RTN4R: variants seen among roughly 807,000 people sequenced by gnomAD.
The protein encoded by RTN4R is reticulon 4 receptor.
Under a neutral mutation model 27.7 loss-of-function variants are expected in RTN4R, and 4 were observed. The observed-to-expected ratio is 0.14, with a 90% CI of 0.07 to 0.33. The LOEUF (loss-of-function observed/expected upper bound fraction) is 0.33. Among genes scored for constraint, RTN4R ranks in the 10% least tolerant of loss-of-function variants. The pLI is 1.00. For synonymous variants in RTN4R, 290 were observed against 305.6 expected (o/e 0.95, Z 0.53); for missense variants, 554 against 671.5 (o/e 0.83, Z 1.93).
intron 1 of RTN4R, among the ~76,000 whole-genome samples, chr22:20,253,399 T>C (rs1485599820): frequency 2.0e-5 from 3 of 152,170 alleles, no homozygotes; most frequent in Non-Finnish European, 2.9e-5. Flanking sequence ...GGGATCTGCA[T>C]GAAAGACACG....
intron 1 of RTN4R, among the ~76,000 whole-genome samples, chr22:20,248,019 G>T (rs771680344): frequency 6.6e-6 from 1 of 152,222 alleles, no homozygotes; most frequent in Non-Finnish European, 1.5e-5. Context: ...ATGTAGGTAG[G>T]TCCAGGGCCA....
chr22:20,258,682 C>A (rs1291180216), intron 1 of RTN4R, among the ~76,000 whole-genome samples: 1 of 152,188 alleles, frequency 6.6e-6, no homozygotes, highest in South Asian at 2.1e-4. Flanking sequence ...TCCCCTGGCT[C>A]CCAGGGCAGG....
chr22:20,268,305 C>G lies in RTN4R; in HGVS notation c.-213G>C, dbSNP rs1023339771. 6 of 808 alleles carry G rather than the reference C, an allele frequency of 7.4e-3. No homozygotes were observed. Among genetic ancestry groups the G allele is most frequent in the Non-Finnish European group, 7.4e-3 (3 of 404 alleles). The allele number at this position is 808 out of a possible 1,614,324, so 0.1% of individuals were successfully genotyped here. A position where few individuals can be genotyped will look rare whatever the true frequency, so the allele number is the denominator to read the frequency against. ...CGCAGGGCGCACAGGGCGAGGGCGG[C>G]GGCGGCGCGGGGGTTGGGGCGTGGG... On this transcript the variant is annotated 5_prime_UTR_variant, in exon 1 of 2. Coordinates refer to ENST00000043402, the MANE Select transcript of RTN4R (RefSeq NM_023004.6).
At chr22:20,260,397 A>G (rs1228026385) in intron 1 of RTN4R, among the ~76,000 whole-genome samples, 1 of 151,964 alleles carries the variant, frequency 6.6e-6, no homozygotes. Flanking sequence ...TCAAGTGGAG[A>G]GTGTGTGGGA....
At chr22:20,246,099 G>A (rs973449052) in intron 1 of RTN4R, among the ~76,000 whole-genome samples, 1 of 152,232 alleles carries the variant, frequency 6.6e-6, no homozygotes, top group South Asian at 2.1e-4. Context: ...CCCGGAGGAT[G>A]GCCCTGCTGG....
intron 1 of RTN4R, among the ~76,000 whole-genome samples, chr22:20,247,969 G>A (rs1439577838): frequency 1.3e-5 from 2 of 152,160 alleles, no homozygotes; most frequent in Non-Finnish European, 2.9e-5. Flanking sequence ...GGCAGGGCTC[G>A]TCCCTGCCCC....
intron 1 of RTN4R, among the ~76,000 whole-genome samples, chr22:20,264,724 C>T (rs1569043188): frequency 6.6e-6 from 1 of 152,202 alleles, no homozygotes; most frequent in Non-Finnish European, 1.5e-5. Flanking sequence ...CCCGAGAGGG[C>T]ATCTGCACAG....
At chr22:20,247,957 CCGGCAGGGCTCGT>C (rs1205559807) in intron 1 of RTN4R, among the ~76,000 whole-genome samples, 3 of 152,204 alleles carry the variant, frequency 2.0e-5, no homozygotes, top group Non-Finnish European at 2.9e-5. Context: ...TTTGCCCTGG[CCGGCAGGGCTCGT>C]CCCTGCCCCG....
chr22:20,242,440 G>C lies in RTN4R; in HGVS notation c.693C>G (p.Leu231=), dbSNP rs554221416. 1.2e-6 allele frequency: 2 copies of C among 1,613,580 alleles called. No homozygotes were observed. The highest frequency in any genetic ancestry group is 2.2e-5 in the East Asian group (1 of 44,882). ...CTGATAGATTGTTGGCAAACAGATA[G>C]AGTGTCATGAGGCGGCCAAGGTCAC... ...AFRDLGRLMT[L]YLFANNLSAL... Residue 231 remains leucine, a synonymous_variant, in exon 2 of 2, where the codon CTC becomes CTG. Coordinates refer to ENST00000043402, the MANE Select transcript of RTN4R (RefSeq NM_023004.6).
chr22:20,248,546 G>A (rs1003785125), intron 1 of RTN4R, among the ~76,000 whole-genome samples: 3 of 152,308 alleles, frequency 2.0e-5, no homozygotes, highest in Non-Finnish European at 2.9e-5. Flanking sequence ...TCATCCACTC[G>A]CTTGGCCCTC....
At chr22:20,267,980 CG>C in intron 1 of RTN4R, 90 bp downstream of exon 1, 1 of 738,246 alleles carries the variant, frequency 1.4e-6, no homozygotes, top group South Asian at 6.0e-5. Flanking sequence ...CTCGGCAGCC[CG>C]GGACGGGCCC....
At position 20,265,725 on chromosome 22, in the gene RTN4R, G is replaced by A. The variant is rs142972585; in HGVS notation, c.22+2346C>T. Among the ~76,000 whole-genome samples the A allele has an allele frequency of 1.5e-3, 235 of 152,312 alleles. 1 individual carries two copies. The highest frequency in any genetic ancestry group is 5.5e-3 in the African/African-American group (228 of 41,568). On this transcript the variant is annotated intron_variant, in intron 1 of 1. Coordinates refer to ENST00000043402, the MANE Select transcript of RTN4R (RefSeq NM_023004.6). ...TATTGTCCCTTCTGCACATGGATGG[G>A]GTGAGGGGCCAGCTGGCAGTGCAAA...
In RTN4R at chr22:20,256,132, C is replaced by T. The variant is rs181729633; in HGVS notation, c.22+11939G>A. Reference sequence around the variant, plus strand: ...CAGCTACTTCCTGAGGCTGATGCGCCGCCCCACTGCGCAGGGCCAGTGGAA... The same window carrying T: ...CAGCTACTTCCTGAGGCTGATGCGCTGCCCCACTGCGCAGGGCCAGTGGAA... On this transcript the variant is annotated intron_variant, in intron 1 of 1. Coordinates refer to ENST00000043402, the MANE Select transcript of RTN4R (RefSeq NM_023004.6). Among the ~76,000 whole-genome samples, 46 of 152,344 alleles carry T rather than the reference C, an allele frequency of 3.0e-4. No homozygotes were observed. In the East Asian group the frequency reaches 8.1e-3, roughly 27 times the overall value.
At chr22:20,264,588 G>A (rs1174894760) in intron 1 of RTN4R, among the ~76,000 whole-genome samples, 2 of 152,232 alleles carry the variant, frequency 1.3e-5, no homozygotes. Flanking sequence ...ATGAACAAAT[G>A]AGAAAGTGAA....
intron 1 of RTN4R, among the ~76,000 whole-genome samples, chr22:20,264,029 G>A (rs2051262744): frequency 1.3e-5 from 2 of 152,022 alleles, no homozygotes; most frequent in Non-Finnish European, 2.9e-5. Flanking sequence ...AAGCCTCAGT[G>A]GGCTAGGAGG....
intron 1 of RTN4R, among the ~76,000 whole-genome samples, chr22:20,261,558 G>C (rs1337394781): frequency 6.6e-6 from 1 of 152,240 alleles, no homozygotes; most frequent in African/African-American, 2.4e-5. Context: ...GGGGGAAACA[G>C]AGCAACCCTT....
In RTN4R at chr22:20,254,096, G is replaced by C. The variant is rs184703806; in HGVS notation, c.23-10986C>G. On this transcript the variant is annotated intron_variant, in intron 1 of 1. Coordinates refer to ENST00000043402, the MANE Select transcript of RTN4R (RefSeq NM_023004.6). ...GCACTTTCAGGCCCCCAGGGGTCAAGGGAAGTCTGAAGCTCCAGGAGGAGA... is the reference window on the plus strand; with the variant it reads ...GCACTTTCAGGCCCCCAGGGGTCAACGGAAGTCTGAAGCTCCAGGAGGAGA... 3.3e-5 allele frequency among the ~76,000 whole-genome samples: 5 copies of C among 152,232 alleles called. No individual in the cohort carries two copies. The East Asian group carries it at 5.8e-4, about 18-fold the overall frequency.
chr22:20,251,105 C>A (rs2051174259), intron 1 of RTN4R, among the ~76,000 whole-genome samples: 1 of 152,130 alleles, frequency 6.6e-6, no homozygotes, highest in Non-Finnish European at 1.5e-5. Context: ...TGGGCCGAGG[C>A]CTCTCCCTGC....
At chr22:20,262,149 C>T (rs2051251451) in intron 1 of RTN4R, among the ~76,000 whole-genome samples, 1 of 152,174 alleles carries the variant, frequency 6.6e-6, no homozygotes, top group Admixed American at 6.5e-5. Context: ...CTGATTTTGC[C>T]TTTGGGGATG....
Sources: gnomAD v4.1 joint callset for allele counts (sites outside exome capture counted in the v4.1 genomes callset) on GRCh38, gnomAD v4.1.1 for gene constraint, MANE v1.5 for transcripts, NCBI Gene and HGNC (gene_info 2026-07-23, HGNC 2026-07-21) for gene names.